Variants in MAK observed in about 807,000 individuals in gnomAD.
The protein encoded by MAK is male germ cell associated kinase.
In MAK, 65 loss-of-function variants were observed where a neutral mutation model predicts 82.6. The ratio of observed to expected loss-of-function variants is 0.79; its 90% confidence interval spans 0.64 to 0.97. The LOEUF (loss-of-function observed/expected upper bound fraction) is 0.97, where lower values mean the gene tolerates loss of function less well. Among genes scored for constraint, MAK ranks in the 50% least tolerant of loss-of-function variants. MAK has a pLI of 0.00. For synonymous variants in MAK, 250 were observed against 274.2 expected, an observed-to-expected ratio of 0.91 and a Z score of 0.87; for missense variants, 703 against 780.2, an observed-to-expected ratio of 0.90 and a Z score of 1.18.
chr6:10,795,177 C>A (rs1775421709), intron 9 of MAK, among the ~76,000 whole-genome samples: 1 of 151,512 alleles, frequency 6.6e-6, no homozygotes. Flanking sequence ...TTAGGCCGGG[C>A]TTGGTGGCTC....
intron 14 of MAK, among the ~76,000 whole-genome samples, chr6:10,766,052 C>CGAATTGAGAGCTAAGGTATCACAGGTAT (rs1772405945): frequency 6.6e-6 from 1 of 152,186 alleles, no homozygotes; most frequent in African/African-American, 2.4e-5. Flanking sequence ...TTCCTCACCT[C>CGAATTGAGAGCTAAGGTATCACAGGTAT]GAATTGAGAG....
rs1232886242 is a variant in MAK, at chr6:10,779,398, G to A, written c.1466-3939C>T. ...AGAATCTTGCTCCAAGTACACAGCCGGTTAGTAGTAGCAGGTCAGTAACTA... is the reference window on the plus strand; with the variant it reads ...AGAATCTTGCTCCAAGTACACAGCCAGTTAGTAGTAGCAGGTCAGTAACTA... On this transcript the variant is annotated intron_variant, in intron 11 of 14. Transcript: ENST00000354489. 10 of 985,130 alleles carry A rather than the reference G, an allele frequency of 1.0e-5. No individual in the cohort carries two copies. In the South Asian group the frequency reaches 1.4e-4, roughly 14 times the overall value. 61.0% of individuals were successfully genotyped at this position (985,130 alleles called of 1,614,324 possible). A position where few individuals can be genotyped will look rare whatever the true frequency, so the allele number is the denominator to read the frequency against.
chr6:10,800,629 T>C lies in MAK; in HGVS notation c.831+1263A>G, dbSNP rs493307. Among the ~76,000 whole-genome samples the C allele has an allele frequency of 0.84, 128,155 of 151,936 alleles. 54,045 individuals are homozygous for C. Among genetic ancestry groups the C allele is most frequent in the African/African-American group, 0.89 (36,787 of 41,462 alleles). ...CCAAGGAGGGCAGATCACCTGAGGT[T>C]GGGAGGTCGAGACCAGCCTCACCAA... On this transcript the variant is annotated intron_variant, in intron 8 of 14. Coordinates refer to ENST00000354489, the MANE Select transcript of MAK (RefSeq NM_001242957.3). This position sits in a 1 kb window ranked among gnomAD's most constrained non-coding sequence, Gnocchi z 4.2.
Position 10,780,453 on chromosome 6 carries a change from GTTTT to G in MAK, c.1465+3967_1465+3970del, listed in dbSNP as rs34131278. 9.3e-5 allele frequency among the ~76,000 whole-genome samples: 9 copies of G among 96,752 alleles called. No individual in the cohort carries two copies. The East Asian group carries it at 2.3e-3, about 25-fold the overall frequency. The allele number at this position is 96,752 out of a possible 152,430, so 63.5% of individuals were successfully genotyped here. On this transcript the variant is annotated intron_variant, in intron 11 of 14. Transcript: ENST00000354489. ...ATATTTCAGTCAGTGAAATGTACTGGTTTTTTTTTTTTTTTTTTTTGAGACAGAG... is the reference window on the plus strand; with the variant it reads ...ATATTTCAGTCAGTGAAATGTACTGGTTTTTTTTTTTTTTTTGAGACAGAG...
intron 1 of MAK, among the ~76,000 whole-genome samples, chr6:10,832,688 A>G (rs1457399292): frequency 3.9e-5 from 6 of 152,058 alleles, no homozygotes; most frequent in African/African-American, 1.4e-4. Flanking sequence ...TAGTAGAAAC[A>G]GGGTTTCACC....
At chr6:10,780,884 T>TTC (rs754725039) in intron 11 of MAK, among the ~76,000 whole-genome samples, 4 of 152,044 alleles carry the variant, frequency 2.6e-5, no homozygotes, top group African/African-American at 7.2e-5. Flanking sequence ...TTTTTTCTTT[T>TTC]TCTCTCTCTC....
chr6:10,775,347 A>G lies in MAK; in HGVS notation c.1578T>C (p.Ala526=). Residue 526 remains alanine, a synonymous_variant, in exon 12 of 15, where the codon GCT becomes GCC. Transcript: ENST00000354489. The stretch of plus-strand genomic sequence containing the variant: ...CGTTACCTGCATTGCTCCTTTTGAA[A>G]GCAAGTTCTGCCCCAACGGGTCCCA... The part of the protein sequence containing the change: ...KSLGPVGAEL[A]FKRSNAEESI... 1.2e-6 allele frequency: 2 copies of G among 1,613,810 alleles called. No homozygotes were observed. The highest frequency in any genetic ancestry group is 8.5e-7 in the Non-Finnish European group (1 of 1,179,776).
intron 11 of MAK, 126 bp downstream of exon 11, chr6:10,784,298 C>T (rs1230578605): frequency 4.3e-6 from 4 of 920,798 alleles, no homozygotes; most frequent in Non-Finnish European, 6.9e-6. Context: ...ACAGACTGAG[C>T]TACCAAAGAG....
chr6:10,784,778 C>CAGA (rs1554168261), intron 10 of MAK: 1 of 684,354 alleles, frequency 1.5e-6, no homozygotes, highest in Non-Finnish European at 2.7e-6. Flanking sequence ...ATTTCTGATA[C>CAGA]CAGTATGTGA....
intron 14 of MAK, among the ~76,000 whole-genome samples, chr6:10,764,814 C>A (rs780036937): frequency 9.9e-5 from 15 of 152,070 alleles, no homozygotes; most frequent in Non-Finnish European, 1.5e-4. Context: ...AGTAGCTGGC[C>A]GGGCGCAGTG....
At chr6:10,787,440 A>T (rs570871382) in intron 10 of MAK, among the ~76,000 whole-genome samples, 14 of 152,356 alleles carry the variant, frequency 9.2e-5, no homozygotes, top group Admixed American at 7.8e-4. Context: ...TTACTGAAGT[A>T]TGAAAATTAT....
intron 13 of MAK, among the ~76,000 whole-genome samples, chr6:10,770,885 ATG>A (rs1581640048): frequency 6.6e-6 from 1 of 152,014 alleles, no homozygotes; most frequent in East Asian, 1.9e-4. Flanking sequence ...ATGAGGGAGG[ATG>A]AGGGTCTGAA....
rs1231618353 is a variant in MAK at position 10,767,672 on chromosome 6, C to T, written c.1792+2439G>A. Among the ~76,000 whole-genome samples, 3 of 151,856 alleles carry T rather than the reference C, an allele frequency of 2.0e-5. 1 individual carries two copies. The highest frequency in any genetic ancestry group is 7.3e-5 in the African/African-American group (3 of 41,362). ...GGCGTGGTGGCACGCACCTGTAGTC[C>T]CAGCTACTCCGGAGGCTGAGGCAGG... On this transcript the variant is annotated intron_variant, in intron 14 of 14. Transcript: ENST00000354489.
At chr6:10,777,934 G>A (rs1264551963) in intron 11 of MAK, among the ~76,000 whole-genome samples, 1 of 152,096 alleles carries the variant, frequency 6.6e-6, no homozygotes, top group African/African-American at 2.4e-5. Context: ...CACCTCGCCT[G>A]GCCTCAAGGT....
At chr6:10,784,662 T>TCGCCCACCCTCTGCACA (rs374889861) in intron 10 of MAK, 90 bp from the exon 11 acceptor site, 1,414 of 1,180,322 alleles carry the variant, frequency 1.2e-3, no homozygotes, top group South Asian at 1.5e-3. Context: ...TCTGCACATC[T>TCGCCCACCCTCTGCACA]TCCTAAGCCA....
At chr6:10,808,745 A>C (rs1776691388) in intron 6 of MAK, 65 bp downstream of exon 6, 2 of 1,474,084 alleles carry the variant, frequency 1.4e-6, no homozygotes, top group Admixed American at 3.4e-5. Flanking sequence ...AATATGTAAC[A>C]ATCCATCGTA....
intron 10 of MAK, among the ~76,000 whole-genome samples, chr6:10,789,193 T>C (rs1484342004): frequency 6.6e-6 from 1 of 151,178 alleles, no homozygotes; most frequent in East Asian, 1.9e-4. Context: ...TATCCAAGCA[T>C]ATGCACTCCT....
chr6:10,770,781 G>A (rs542286625), intron 13 of MAK, among the ~76,000 whole-genome samples: 2 of 152,216 alleles, frequency 1.3e-5, no homozygotes, highest in South Asian at 4.1e-4. Context: ...ATCACTATTG[G>A]TGAATGCTCA....
chr6:10,789,857 T>C (rs150614642), intron 10 of MAK, among the ~76,000 whole-genome samples: 4 of 152,248 alleles, frequency 2.6e-5, no homozygotes, highest in African/African-American at 9.6e-5. Flanking sequence ...GGTTTCACCA[T>C]GTTGGCCAGG....
Sources: gnomAD v4.1 joint callset for allele counts (sites outside exome capture counted in the v4.1 genomes callset) on GRCh38, gnomAD v4.1.1 for gene constraint, Gnocchi (gnomAD v3.1) non-coding constraint, MANE v1.5 for transcripts, NCBI Gene and HGNC (gene_info 2026-07-23, HGNC 2026-07-21) for gene names.